Variants in ERBB4 observed in about 807,000 individuals in gnomAD.
ERBB4 encodes erb-b2 receptor tyrosine kinase 4, also known as receptor tyrosine-protein kinase erbB-4.
In ERBB4, 42 loss-of-function variants were observed where a neutral mutation model predicts 158.0. The ratio of observed to expected loss-of-function variants is 0.27; its 90% CI spans 0.21 to 0.34. The LOEUF is 0.34. ERBB4 is among the 10% of genes least tolerant of loss of function. The pLI, the probability that ERBB4 is intolerant of heterozygous loss-of-function variation, is 1.00. For missense variants in ERBB4, 1,333 were observed against 1,624.1 expected (o/e 0.82, Z 3.08); for synonymous variants, 583 against 558.7 (o/e 1.04, Z -0.61).
chr2:212,466,882 A>T (rs1440825324), intron 1 of ERBB4, among the ~76,000 whole-genome samples: 2 of 152,228 alleles, frequency 1.3e-5, no homozygotes, highest in Non-Finnish European at 2.9e-5. Flanking sequence ...GGCTTTGACA[A>T]AAATGCTGAG....
At chr2:211,575,196 G>C (rs996437103) in intron 19 of ERBB4, among the ~76,000 whole-genome samples, 6 of 152,154 alleles carry the variant, frequency 3.9e-5, no homozygotes, top group Non-Finnish European at 8.8e-5. Context: ...AGATCTAGCA[G>C]ATTTTGTGGT....
At chr2:211,855,989 A>G (rs1239128490) in intron 3 of ERBB4, among the ~76,000 whole-genome samples, 1 of 152,212 alleles carries the variant, frequency 6.6e-6, no homozygotes, top group Admixed American at 6.5e-5. Context: ...CAAAGTCAGA[A>G]TGAAAAACTA....
chr2:211,555,740 G>C (rs1027366326), intron 20 of ERBB4, among the ~76,000 whole-genome samples: 1 of 152,112 alleles, frequency 6.6e-6, no homozygotes, highest in Admixed American at 6.5e-5. Context: ...ATAAGCAAAG[G>C]AGAAATAAGA....
chr2:212,417,096 T>A (rs569850616), intron 1 of ERBB4, among the ~76,000 whole-genome samples: 4 of 152,184 alleles, frequency 2.6e-5, no homozygotes, highest in Middle Eastern at 3.4e-3. Context: ...GATCAAGAGA[T>A]GGGTTTTATC....
At chr2:211,967,099 G>A (rs185234685) in intron 2 of ERBB4, among the ~76,000 whole-genome samples, 10 of 152,180 alleles carry the variant, frequency 6.6e-5, no homozygotes, top group Non-Finnish European at 8.8e-5. Context: ...ACAAATGCCT[G>A]AATGTTTTTT....
At chr2:212,372,452 T>C (rs1362419466) in intron 1 of ERBB4, among the ~76,000 whole-genome samples, 2 of 152,084 alleles carry the variant, frequency 1.3e-5, no homozygotes, top group African/African-American at 4.8e-5. Flanking sequence ...TGAAAGCCTG[T>C]CTTAAAAAGA....
At chr2:211,431,650 T>G (rs2063750731) in intron 20 of ERBB4, among the ~76,000 whole-genome samples, 1 of 152,180 alleles carries the variant, frequency 6.6e-6, no homozygotes, top group Non-Finnish European at 1.5e-5. Context: ...ATGCACAGAA[T>G]GAAGTATATA....
At chr2:211,977,133 G>A (rs558862041) in intron 2 of ERBB4, among the ~76,000 whole-genome samples, 8 of 152,202 alleles carry the variant, frequency 5.3e-5, no homozygotes, top group Admixed American at 4.6e-4. Context: ...CTTCCCCTAT[G>A]GTTAATAAAC....
At chr2:211,524,949 A>C (rs547647126) in intron 20 of ERBB4, among the ~76,000 whole-genome samples, 1 of 152,298 alleles carries the variant, frequency 6.6e-6, no homozygotes, top group African/African-American at 2.4e-5. Flanking sequence ...GAACAGCAGA[A>C]AGTAAAACTG....
intron 1 of ERBB4, among the ~76,000 whole-genome samples, chr2:212,512,241 T>A (rs147844716): frequency 2.7e-4 from 41 of 152,260 alleles, no homozygotes; most frequent in African/African-American, 7.9e-4. Context: ...GAAAGTTGAC[T>A]TAAATCCTGA....
chr2:212,129,808 G>GT (rs544795223), intron 1 of ERBB4, among the ~76,000 whole-genome samples: 124 of 151,894 alleles, frequency 8.2e-4, no homozygotes, highest in African/African-American at 2.7e-3. Flanking sequence ...AGTCTTTGCA[G>GT]TTTTTTTTAC....
chr2:212,074,904 C>G (rs1317362410), intron 2 of ERBB4, among the ~76,000 whole-genome samples: 3 of 151,940 alleles, frequency 2.0e-5, no homozygotes, highest in Non-Finnish European at 4.4e-5. Flanking sequence ...ATATTTTATA[C>G]CTTGTTTAAA....
intron 3 of ERBB4, among the ~76,000 whole-genome samples, chr2:211,800,435 C>T (rs939627322): frequency 1.3e-5 from 2 of 152,016 alleles, no homozygotes; most frequent in Non-Finnish European, 2.9e-5. Flanking sequence ...AGTCTGTGCT[C>T]TCCCCATTGT....
chr2:211,683,213 A>C (rs993085206), intron 12 of ERBB4, among the ~76,000 whole-genome samples: 3 of 152,088 alleles, frequency 2.0e-5, no homozygotes, highest in Non-Finnish European at 2.9e-5. Flanking sequence ...GATCTTAAAA[A>C]GTTTATAGTA....
At chr2:211,921,152 T>C (rs1211160909) in intron 3 of ERBB4, among the ~76,000 whole-genome samples, 1 of 152,082 alleles carries the variant, frequency 6.6e-6, no homozygotes, top group Non-Finnish European at 1.5e-5. Context: ...CACTTCTTAC[T>C]ACAAATTACT....
At chr2:212,191,649 ACATG>A (rs143919320) in intron 1 of ERBB4, among the ~76,000 whole-genome samples, 2,538 of 106,780 alleles carry the variant, frequency 0.024, 117 homozygotes, top group Non-Finnish European at 0.03. Flanking sequence ...TATATATAAC[ACATG>A]CGTTATACAT....
chr2:211,750,035 A>C (rs1257201815), intron 5 of ERBB4, among the ~76,000 whole-genome samples: 1 of 152,148 alleles, frequency 6.6e-6, no homozygotes, highest in Admixed American at 6.6e-5. Context: ...ATTTGTCTTT[A>C]TATTTAGTAT....
chr2:212,429,764 C>G (rs2091986699), intron 1 of ERBB4, among the ~76,000 whole-genome samples: 1 of 152,084 alleles, frequency 6.6e-6, no homozygotes, highest in East Asian at 1.9e-4. Context: ...GACCCCAGAG[C>G]CTGTTCACCT....
chr2:212,071,759 T>C (rs1436284850), intron 2 of ERBB4, among the ~76,000 whole-genome samples: 2 of 151,976 alleles, frequency 1.3e-5, no homozygotes, highest in Non-Finnish European at 2.9e-5. Flanking sequence ...TTTGAAGTAA[T>C]TGTCTACATT....
Sources: gnomAD v4.1 joint callset for allele counts (sites outside exome capture counted in the v4.1 genomes callset) on GRCh38, gnomAD v4.1.1 for gene constraint, MANE v1.5 for transcripts, NCBI Gene and HGNC (gene_info 2026-07-23, HGNC 2026-07-21) for gene names.